Variants in SLC30A8 observed in about 807,000 individuals in gnomAD.
The protein encoded by SLC30A8 is solute carrier family 30 member 8.
SLC30A8 carries 27 observed loss-of-function variants against 36.9 expected under a neutral mutation model. The ratio of observed to expected loss-of-function variants is 0.73; its 90% CI spans 0.54 to 1.01. SLC30A8 has a LOEUF of 1.01. Among genes scored for constraint, SLC30A8 ranks in the 50% least tolerant of loss-of-function variants. The pLI, the probability that SLC30A8 is intolerant of heterozygous loss-of-function variation, is 0.00. For synonymous variants in SLC30A8, 164 were observed against 172.4 expected (o/e 0.95, Z 0.38); for missense variants, 439 against 452.0 (o/e 0.97, Z 0.26).
intron 1 of SLC30A8, among the ~76,000 whole-genome samples, chr8:116,952,531 G>A (rs910254478): frequency 3.3e-5 from 5 of 151,714 alleles, no homozygotes; most frequent in Non-Finnish European, 5.9e-5. Context: ...TGCAAACTCC[G>A]CCTTCCGGGT....
chr8:117,083,906 T>G (rs949636833), intron 2 of SLC30A8, among the ~76,000 whole-genome samples: 4 of 152,200 alleles, frequency 2.6e-5, no homozygotes, highest in African/African-American at 9.6e-5. Flanking sequence ...ATCCTCCTGA[T>G]GGGCTCCTCC....
At chr8:116,977,343 C>G (rs1317595554) in intron 1 of SLC30A8, among the ~76,000 whole-genome samples, 2 of 146,738 alleles carry the variant, frequency 1.4e-5, no homozygotes, top group Non-Finnish European at 3.0e-5. Flanking sequence ...TTAGTAGAGA[C>G]GGGGTTTCAC....
chr8:117,014,822 C>T (rs1816460118), intron 1 of SLC30A8, among the ~76,000 whole-genome samples: 1 of 152,170 alleles, frequency 6.6e-6, no homozygotes, highest in East Asian at 1.9e-4. Context: ...AAACCCCTAA[C>T]TTTAGTCTGT....
chr8:117,047,714 G>A (rs1036275069), intron 2 of SLC30A8, among the ~76,000 whole-genome samples: 3 of 152,156 alleles, frequency 2.0e-5, no homozygotes, highest in South Asian at 2.1e-4. Context: ...GTAGAAGCTC[G>A]TTAAAATGAG....
intron 2 of SLC30A8, among the ~76,000 whole-genome samples, chr8:117,093,952 G>A (rs931869047): frequency 1.3e-5 from 2 of 152,222 alleles, no homozygotes; most frequent in African/African-American, 4.8e-5. Context: ...GCAGCTCCAC[G>A]GACCAGCACT....
chr8:116,957,640 G>A (rs1250058106), intron 1 of SLC30A8, among the ~76,000 whole-genome samples: 2 of 152,094 alleles, frequency 1.3e-5, no homozygotes, highest in Admixed American at 6.5e-5. Flanking sequence ...ATGATGCCCC[G>A]AGAAACTCTG....
At chr8:117,115,075 A>AT (rs1332574097) in intron 2 of SLC30A8, among the ~76,000 whole-genome samples, 1 of 151,940 alleles carries the variant, frequency 6.6e-6, no homozygotes, top group East Asian at 1.9e-4. Flanking sequence ...TGCCTGGCTA[A>AT]TTTTTGAATT....
chr8:117,006,969 T>G (rs1816197804), intron 1 of SLC30A8: 1 of 95,834 alleles, frequency 1.0e-5, no homozygotes, highest in Non-Finnish European at 2.2e-5. Context: ...TTTTTTTTTT[T>G]TTTTTTTTTT....
intron 1 of SLC30A8, among the ~76,000 whole-genome samples, chr8:116,975,304 AT>A (rs1563730284): frequency 3.9e-5 from 6 of 152,190 alleles, no homozygotes; most frequent in African/African-American, 7.2e-5. Flanking sequence ...TAGCTCTGGG[AT>A]AGTATAAAAG....
intron 2 of SLC30A8, among the ~76,000 whole-genome samples, chr8:117,101,580 T>C (rs932180241): frequency 6.6e-6 from 1 of 152,146 alleles, no homozygotes; most frequent in Non-Finnish European, 1.5e-5. Context: ...GATTGAAGGG[T>C]GCAAAGTATT....
chr8:117,048,376 G>A (rs913747832), intron 2 of SLC30A8, among the ~76,000 whole-genome samples: 5 of 152,142 alleles, frequency 3.3e-5, no homozygotes, highest in Admixed American at 6.5e-5. Context: ...AGTGTATAGT[G>A]GGGGAGGAAA....
At chr8:117,034,430 C>T (rs1312030176) in intron 1 of SLC30A8, among the ~76,000 whole-genome samples, 2 of 152,108 alleles carry the variant, frequency 1.3e-5, no homozygotes, top group Non-Finnish European at 2.9e-5. Flanking sequence ...TTAACAAATA[C>T]TTATATAGTA....
intron 6 of SLC30A8, 147 bp from the exon 7 acceptor site, chr8:117,170,887 A>G (rs1823341912): frequency 1.5e-6 from 1 of 648,170 alleles, no homozygotes; most frequent in Non-Finnish European, 2.6e-6. Flanking sequence ...TAGTCAGGTA[A>G]ATCTTATTTG....
chr8:117,163,590 A>G, intron 6 of SLC30A8, 60 bp downstream of exon 6: 1 of 1,275,914 alleles, frequency 7.8e-7, no homozygotes, highest in South Asian at 1.3e-5. Flanking sequence ...AGAATCACAA[A>G]AGGGAATGGC....
intron 2 of SLC30A8, among the ~76,000 whole-genome samples, chr8:117,051,104 CAGAA>C (rs1393565590): frequency 6.6e-6 from 1 of 152,090 alleles, no homozygotes; most frequent in Non-Finnish European, 1.5e-5. Context: ...AAAGTAGAGA[CAGAA>C]AGAGAAAAAG....
At chr8:117,126,053 G>A (rs1192689321) in intron 2 of SLC30A8, among the ~76,000 whole-genome samples, 2 of 151,874 alleles carry the variant, frequency 1.3e-5, no homozygotes, top group African/African-American at 2.4e-5. Context: ...AAGCACAGAA[G>A]AAACTAAAAC....
chr8:116,966,132 T>C (rs1182147961), intron 1 of SLC30A8, among the ~76,000 whole-genome samples: 2 of 152,030 alleles, frequency 1.3e-5, no homozygotes, highest in African/African-American at 4.8e-5. Flanking sequence ...AATTCGCCCG[T>C]CTCGGCCTCC....
At chr8:117,139,652 C>A (rs1416506788) in intron 1 of SLC30A8, among the ~76,000 whole-genome samples, 1 of 151,892 alleles carries the variant, frequency 6.6e-6, no homozygotes, top group African/African-American at 2.4e-5. Flanking sequence ...ATTAAGAAGG[C>A]CAAAATCTGG....
rs1014087839 is a variant in SLC30A8 at position 117,173,905 on chromosome 8, G to T, written c.*1224G>T. ...GAAAGCGATGGATATTGCCGGATGG[G>T]CATGGCCAGTGATGTTTCACGTCAT... On this transcript the variant is annotated 3_prime_UTR_variant, in exon 8 of 8. Transcript: ENST00000456015. 2 of 152,148 alleles carry T rather than the reference G, an allele frequency of 1.3e-5. No individual in the cohort carries two copies. Among genetic ancestry groups the T allele is most frequent in the African/African-American group, 4.8e-5 (2 of 41,440 alleles). 9.4% of individuals were successfully genotyped at this position (152,148 alleles called of 1,614,324 possible). A position where few individuals can be genotyped will look rare whatever the true frequency, so the allele number is the denominator to read the frequency against.
Sources: allele counts gnomAD v4.1 joint callset (sites outside exome capture counted in the v4.1 genomes callset), GRCh38; gene constraint gnomAD v4.1.1; transcripts MANE v1.5; gene names NCBI Gene and HGNC (gene_info 2026-07-23, HGNC 2026-07-21).